The following NTRK2 variants were observed in gnomAD, a reference collection of about 807,000 sequenced individuals.
NTRK2 encodes the protein neurotrophic receptor tyrosine kinase 2.
In NTRK2, 13 loss-of-function variants were observed where a neutral mutation model predicts 94.5. The observed-to-expected ratio is 0.14, with a 90% CI of 0.09 to 0.22. The LOEUF (loss-of-function observed/expected upper bound fraction) is 0.22. Among genes scored for constraint, NTRK2 ranks in the 10% least tolerant of loss-of-function variants. The pLI is 1.00. For synonymous variants in NTRK2, 372 were observed against 407.4 expected, an observed-to-expected ratio of 0.91 and a Z score of 1.05; for missense variants, 639 against 1,071.2, an observed-to-expected ratio of 0.60 and a Z score of 5.63.
intron 10 of NTRK2, among the ~76,000 whole-genome samples, 166 bp from the exon 11 acceptor site, chr9:84,744,807 C>T (rs1208230264): frequency 6.6e-6 from 1 of 152,126 alleles, no homozygotes; most frequent in Admixed American, 6.5e-5. Flanking sequence ...CGCTGCAGTG[C>T]ATTGAACTCA....
intron 14 of NTRK2, among the ~76,000 whole-genome samples, chr9:84,921,059 A>G (rs2077550225): frequency 1.3e-5 from 2 of 152,222 alleles, no homozygotes; most frequent in Admixed American, 6.5e-5. Context: ...AGTTCCCTGC[A>G]TAATAGCATC....
chr9:84,746,091 A>T (rs2132399606), intron 11 of NTRK2, among the ~76,000 whole-genome samples: 1 of 152,308 alleles, frequency 6.6e-6, no homozygotes, highest in East Asian at 1.9e-4. Flanking sequence ...GGGTTGGCAA[A>T]CTATGACCCA....
intron 14 of NTRK2, among the ~76,000 whole-genome samples, chr9:84,918,126 G>A (rs1373595556): frequency 6.6e-6 from 1 of 152,220 alleles, no homozygotes; most frequent in African/African-American, 2.4e-5. Flanking sequence ...CACTTGTCAA[G>A]CAACAGAAAG....
intron 17 of NTRK2, among the ~76,000 whole-genome samples, chr9:84,958,443 A>C (rs1231021185): frequency 6.6e-6 from 1 of 152,232 alleles, no homozygotes; most frequent in African/African-American, 2.4e-5. Context: ...AATATTCTGA[A>C]GTACTTTCTT....
At chr9:84,918,822 A>G (rs778184596) in intron 14 of NTRK2, among the ~76,000 whole-genome samples, 5 of 152,160 alleles carry the variant, frequency 3.3e-5, no homozygotes, top group Non-Finnish European at 7.3e-5. Flanking sequence ...TATAATCTAG[A>G]ACTTCATGAT....
At chr9:84,691,723 ACAAATGCTTGATTGAAATCC>A (rs1424996365) in intron 2 of NTRK2, among the ~76,000 whole-genome samples, 4 of 152,108 alleles carry the variant, frequency 2.6e-5, no homozygotes, top group African/African-American at 7.2e-5. Context: ...CAGAACTTAG[ACAAATGCTTGATTGAAATCC>A]CAGAGTTCCA....
intron 17 of NTRK2, among the ~76,000 whole-genome samples, chr9:84,969,935 C>G (rs1214731883): frequency 6.6e-6 from 1 of 152,144 alleles, no homozygotes; most frequent in African/African-American, 2.4e-5. Context: ...TAAGAGCACT[C>G]TAGAACATTG....
intron 5 of NTRK2, among the ~76,000 whole-genome samples, chr9:84,709,616 A>T (rs1341564493): frequency 6.6e-6 from 1 of 152,184 alleles, no homozygotes; most frequent in Admixed American, 6.5e-5. Context: ...CCACAGGAGT[A>T]AATGATGTTG....
chr9:84,934,121 C>A (rs760284337), intron 14 of NTRK2, 41 bp from the exon 15 acceptor site: 2 of 1,612,602 alleles, frequency 1.2e-6, no homozygotes, highest in Non-Finnish European at 1.7e-6. Flanking sequence ...TTCACCTCCA[C>A]ATGCTTCAAT....
chr9:84,737,705 T>A (rs78322439), intron 9 of NTRK2, among the ~76,000 whole-genome samples: 4,657 of 148,414 alleles, frequency 0.031, 438 homozygotes, highest in African/African-American at 0.12. Flanking sequence ...GGGTCTATTA[T>A]GTGATGCTGA....
At chr9:84,940,754 T>C (rs1169442168) in intron 15 of NTRK2, among the ~76,000 whole-genome samples, 1 of 151,814 alleles carries the variant, frequency 6.6e-6, no homozygotes, top group African/African-American at 2.4e-5. Flanking sequence ...AAAACATAGA[T>C]GAGAAAAAGC....
intron 14 of NTRK2, among the ~76,000 whole-genome samples, chr9:84,869,417 A>G (rs1292930199): frequency 6.6e-6 from 1 of 152,180 alleles, no homozygotes; most frequent in Non-Finnish European, 1.5e-5. Context: ...TTTCCAGGCA[A>G]CAAGTCACTA....
intron 13 of NTRK2, among the ~76,000 whole-genome samples, chr9:84,863,811 A>T (rs138306778): frequency 1.3e-5 from 2 of 152,204 alleles, no homozygotes; most frequent in African/African-American, 4.8e-5. Flanking sequence ...TTTATGTGTT[A>T]CTCACATTTG....
At chr9:84,939,950 C>T (rs11140808) in intron 15 of NTRK2, among the ~76,000 whole-genome samples, 1 of 152,280 alleles carries the variant, frequency 6.6e-6, no homozygotes, top group East Asian at 1.9e-4. Context: ...AGATCTTGCC[C>T]TCCCAGCAAC....
chr9:84,970,028 A>C (rs1041448109), intron 17 of NTRK2, among the ~76,000 whole-genome samples: 13 of 152,116 alleles, frequency 8.5e-5, no homozygotes, highest in African/African-American at 3.1e-4. Context: ...TTCCAGCTCC[A>C]CCTCTTACTA....
chr9:85,021,208 A>G, intron 18 of NTRK2, 44 bp from the exon 19 acceptor site: 4 of 1,572,122 alleles, frequency 2.5e-6, no homozygotes, highest in Non-Finnish European at 1.7e-6. Context: ...TTCGATGTGC[A>G]TTGCTTTTCC....
chr9:84,807,728 T>C (rs2071286915), intron 12 of NTRK2, among the ~76,000 whole-genome samples: 1 of 152,240 alleles, frequency 6.6e-6, no homozygotes, highest in African/African-American at 2.4e-5. Context: ...TATCATTTTG[T>C]GGTCTTTTGA....
chr9:84,769,477 G>A (rs1736703769), intron 12 of NTRK2, among the ~76,000 whole-genome samples: 1 of 152,180 alleles, frequency 6.6e-6, no homozygotes, highest in South Asian at 2.1e-4. Flanking sequence ...GAATTTATTT[G>A]AATAAGGCAG....
intron 12 of NTRK2, among the ~76,000 whole-genome samples, chr9:84,839,532 G>T (rs1298008684): frequency 6.6e-6 from 1 of 152,280 alleles, no homozygotes; most frequent in South Asian, 2.1e-4. Flanking sequence ...AATCCTTGGG[G>T]TCACTCTTAC....
Sources: allele counts gnomAD v4.1 joint callset (sites outside exome capture counted in the v4.1 genomes callset), GRCh38; gene constraint gnomAD v4.1.1; transcripts MANE v1.5; gene names NCBI Gene and HGNC (gene_info 2026-07-23, HGNC 2026-07-21).